The following GLUD1 variants were observed in gnomAD, a reference collection of about 807,000 sequenced individuals.
GLUD1 encodes glutamate dehydrogenase 1.
GLUD1 carries 22 observed loss-of-function variants against 56.0 expected under a neutral mutation model. The observed-to-expected ratio is 0.39, with a 90% confidence interval of 0.28 to 0.56. GLUD1 has a LOEUF of 0.56. Ranked by LOEUF, GLUD1 falls within the 20% of genes least tolerant of loss-of-function variation. The pLI is 0.58. For missense variants in GLUD1, 451 were observed against 732.0 expected (o/e 0.62, Z 4.43); for synonymous variants, 223 against 269.9 (o/e 0.83, Z 1.70).
rs565303311 is a variant in GLUD1, at chr10:87,069,223, G to C, written c.647-1066C>G. ...AACGAAAAACGCAACTTAAAAAATG[G>C]TTAAACTATTAGGCTGAGCACAGTG... On this transcript the variant is annotated intron_variant, in intron 4 of 12. Coordinates refer to ENST00000277865, the MANE Select transcript of GLUD1 (RefSeq NM_005271.5). Among the ~76,000 whole-genome samples the C allele has an allele frequency of 1.3e-4, 19 of 151,822 alleles. 1 individual carries two copies. Among genetic ancestry groups the C allele is most frequent in the Admixed American group, 1.2e-3 (19 of 15,224 alleles).
In GLUD1 at chr10:87,076,214, A is replaced by G. The variant is rs545752902; in HGVS notation, c.527-191T>C. ...TTGTTGAACAGAAATTGTTCAATAA[A>G]ATTGGCTAGCCAAGTTCTAATATAT... On this transcript the variant is annotated intron_variant, in intron 2 of 12. Coordinates refer to ENST00000277865, the MANE Select transcript of GLUD1 (RefSeq NM_005271.5). Among the ~76,000 whole-genome samples, 9 of 152,346 alleles carry G rather than the reference A, an allele frequency of 5.9e-5. No homozygotes were observed. The South Asian group carries it at 1.9e-3, about 32-fold the overall frequency.
At chr10:87,075,889 G>C (rs1432233516) in intron 3 of GLUD1, 79 bp downstream of exon 3, 1 of 1,007,938 alleles carries the variant, frequency 9.9e-7, no homozygotes, top group East Asian at 2.4e-5. Flanking sequence ...ACTCCGGCCT[G>C]AACAACAGAG....
chr10:87,057,201 A>C (rs557940728), intron 11 of GLUD1, among the ~76,000 whole-genome samples: 61 of 152,086 alleles, frequency 4.0e-4, no homozygotes, highest in African/African-American at 1.3e-3. Flanking sequence ...GTTGGCCAGG[A>C]TGGTGTCGAT....
At chr10:87,074,662 C>A (rs200638987) in intron 3 of GLUD1, 48 bp from the exon 4 acceptor site, 3 of 1,038,452 alleles carry the variant, frequency 2.9e-6, no homozygotes, top group South Asian at 2.5e-5. Context: ...ATATAAAAAT[C>A]GCTTGAGATT....
chr10:87,052,600 G>A (rs1303255907), intron 12 of GLUD1, among the ~76,000 whole-genome samples: 2 of 147,976 alleles, frequency 1.4e-5, no homozygotes, highest in African/African-American at 5.0e-5. Context: ...AACTTGGGAG[G>A]TGGAGGTTAC....
intron 1 of GLUD1, among the ~76,000 whole-genome samples, chr10:87,084,016 C>A (rs1299451772): frequency 6.6e-6 from 1 of 152,164 alleles, no homozygotes; most frequent in Non-Finnish European, 1.5e-5. Flanking sequence ...CAGGTGTCAG[C>A]CACAGAACTG....
At chr10:87,079,313 G>A (rs1923937) in intron 1 of GLUD1, among the ~76,000 whole-genome samples, 151,580 of 151,586 alleles carry the variant, frequency 1, 75,787 homozygotes, top group Middle Eastern at 1. Flanking sequence ...GGGCATGTGC[G>A]TGTAGTCGAA....
At chr10:87,091,448 C>G (rs1841507993) in intron 1 of GLUD1, 1 of 156,354 alleles carries the variant, frequency 6.4e-6, no homozygotes, top group Non-Finnish European at 1.4e-5. Flanking sequence ...GATAATATTT[C>G]CAAACCCACC....
intron 1 of GLUD1, among the ~76,000 whole-genome samples, chr10:87,083,394 T>C (rs1486317989): frequency 6.6e-6 from 1 of 152,172 alleles, no homozygotes; most frequent in African/African-American, 2.4e-5. Flanking sequence ...CTACTCTCGT[T>C]CAAATATACT....
chr10:87,086,832 GAA>G (rs367807316), intron 1 of GLUD1, among the ~76,000 whole-genome samples: 15 of 70,420 alleles, frequency 2.1e-4, no homozygotes, highest in East Asian at 1.5e-3. Flanking sequence ...CCGTCTCAAA[GAA>G]AAAAAAAAAA....
rs1463223174 is a variant in GLUD1, at chr10:87,050,800, GCCAGA to G, written c.*946_*950del. 6.6e-6 allele frequency: 1 copy of G among 152,214 alleles called. No individual in the cohort carries two copies. Among genetic ancestry groups the G allele is most frequent in the Non-Finnish European group, 1.5e-5 (1 of 68,036 alleles). The allele number at this position is 152,214 out of a possible 1,614,324, so 9.4% of individuals were successfully genotyped here. ...GGGCCATTGGCAATGCTCAGAGCCA[GCCAGA>G]CTCCAAACAGGGAGCCCAAGTGGTT... is the stretch of plus-strand genomic sequence containing the variant. On this transcript the variant is annotated 3_prime_UTR_variant, in exon 13 of 13. Transcript: ENST00000277865.
intron 8 of GLUD1, 126 bp downstream of exon 8, chr10:87,060,562 T>C: frequency 5.3e-6 from 6 of 1,131,414 alleles, no homozygotes; most frequent in South Asian, 1.2e-5. Context: ...GGGAACTGTA[T>C]GGTATGTGCA....
chr10:87,053,460 C>T, intron 11 of GLUD1, 56 bp from the exon 12 acceptor site: 1 of 1,104,668 alleles, frequency 9.1e-7, no homozygotes, highest in African/African-American at 1.5e-5. Flanking sequence ...CTTTGTGTCC[C>T]TGTATAAGAT....
intron 1 of GLUD1, among the ~76,000 whole-genome samples, chr10:87,090,585 G>A (rs547531878): frequency 6.6e-6 from 1 of 152,218 alleles, no homozygotes; most frequent in East Asian, 1.9e-4. Flanking sequence ...GAAATAAAAA[G>A]GCATAAGGGC....
chr10:87,059,086 C>G, intron 10 of GLUD1, 64 bp downstream of exon 10: 2 of 1,594,476 alleles, frequency 1.3e-6, no homozygotes, highest in Non-Finnish European at 1.7e-6. Context: ...TTAAGTGGAC[C>G]TTTTTACAGC....
chr10:87,076,922 T>C (rs1846411491), intron 1 of GLUD1, among the ~76,000 whole-genome samples: 1 of 152,092 alleles, frequency 6.6e-6, no homozygotes, highest in Admixed American at 6.5e-5. Flanking sequence ...TGAATTTCTG[T>C]ACACTTTCCA....
At chr10:87,063,069 G>T (rs67900137) in intron 5 of GLUD1, among the ~76,000 whole-genome samples, 7,912 of 103,746 alleles carry the variant, frequency 0.076, 260 homozygotes, top group Non-Finnish European at 0.11. Context: ...TTTTTTTTTT[G>T]TTTGTTTGTT....
intron 1 of GLUD1, 151 bp from the exon 2 acceptor site, chr10:87,076,807 G>C: frequency 1.4e-6 from 1 of 693,654 alleles, no homozygotes; most frequent in South Asian, 1.6e-5. Context: ...AAAAACACTT[G>C]AAGCAGCTTG....
At chr10:87,053,469 A>G (rs1845691944) in intron 11 of GLUD1, 65 bp from the exon 12 acceptor site, 1 of 1,015,274 alleles carries the variant, frequency 9.8e-7, no homozygotes, top group East Asian at 2.4e-5. Context: ...CCTGTATAAG[A>G]TGACAAAGGA....
Sources: allele counts gnomAD v4.1 joint callset (sites outside exome capture counted in the v4.1 genomes callset), GRCh38; gene constraint gnomAD v4.1.1; transcripts MANE v1.5; gene names NCBI Gene and HGNC (gene_info 2026-07-23, HGNC 2026-07-21).